The following XXYLT1 variants were observed in gnomAD, a reference collection of about 807,000 sequenced individuals.
The protein encoded by XXYLT1 is UDP-xylose:alpha-xyloside alpha-1,3-xylosyltransferase.
XXYLT1 carries 20 observed loss-of-function variants against 28.9 expected under a neutral mutation model. The observed-to-expected ratio is 0.69, with a 90% CI of 0.49 to 1.00. XXYLT1 has a LOEUF of 1.00. XXYLT1 is among the 50% of genes least tolerant of loss of function. The probability of loss-of-function intolerance (pLI) is 0.00; values close to 1 mark genes in which losing one functional copy is unlikely to be tolerated. For missense variants in XXYLT1, 542 were observed against 560.1 expected, an observed-to-expected ratio of 0.97 and a Z score of 0.33; for synonymous variants, 257 against 253.8, an observed-to-expected ratio of 1.01 and a Z score of -0.12.
At chr3:195,191,585 A>C (rs1722421449) in intron 2 of XXYLT1, among the ~76,000 whole-genome samples, 1 of 152,236 alleles carries the variant, frequency 6.6e-6, no homozygotes, top group South Asian at 2.1e-4. Flanking sequence ...CCCAATCCCC[A>C]TGTTGTTCAA....
chr3:195,208,313 C>T (rs1301443242), intron 2 of XXYLT1, among the ~76,000 whole-genome samples: 6 of 152,228 alleles, frequency 3.9e-5, no homozygotes, highest in East Asian at 1.9e-4. Context: ...TTCCCCTCCC[C>T]TCCTGTGCCT....
intron 1 of XXYLT1, among the ~76,000 whole-genome samples, chr3:195,266,024 A>T (rs1725838552): frequency 1.3e-5 from 2 of 152,198 alleles, no homozygotes; most frequent in Non-Finnish European, 2.9e-5. Flanking sequence ...TCTAAGTTTT[A>T]CAAGTGTGAG....
rs532776961 is a variant in XXYLT1 at position 195,141,037 on chromosome 3, C to T, written c.785+15412G>A. Reference sequence around the variant, plus strand: ...CTCTCCATCATAAGAGGATACAAGACGGCCATCTGCAAACCAGGAAGTAGG... The same window carrying T: ...CTCTCCATCATAAGAGGATACAAGATGGCCATCTGCAAACCAGGAAGTAGG... On this transcript the variant is annotated intron_variant, in intron 3 of 3. Coordinates refer to ENST00000310380, the MANE Select transcript of XXYLT1 (RefSeq NM_152531.5). 1.6e-4 allele frequency among the ~76,000 whole-genome samples: 24 copies of T among 152,304 alleles called. No homozygotes were observed. The East Asian group carries it at 3.5e-3, about 22-fold the overall frequency.
At chr3:195,252,294 T>A (rs1395737877) in intron 1 of XXYLT1, among the ~76,000 whole-genome samples, 1 of 152,120 alleles carries the variant, frequency 6.6e-6, no homozygotes, top group Non-Finnish European at 1.5e-5. Context: ...AGAAATAGAG[T>A]GAGCTTTAGC....
intron 2 of XXYLT1, chr3:195,207,602 C>A (rs552863631): frequency 2.6e-6 from 1 of 390,194 alleles, no homozygotes; most frequent in Non-Finnish European, 5.2e-6. Flanking sequence ...ACAGCTCTCT[C>A]TGTGCTGAGA....
chr3:195,147,349 C>A (rs1361095824), intron 3 of XXYLT1, among the ~76,000 whole-genome samples: 1 of 152,168 alleles, frequency 6.6e-6, no homozygotes, highest in Non-Finnish European at 1.5e-5. Context: ...GCAGGTGGAT[C>A]ACCTGAGGTC....
At chr3:195,131,559 T>C (rs1390394669) in intron 3 of XXYLT1, among the ~76,000 whole-genome samples, 1 of 152,214 alleles carries the variant, frequency 6.6e-6, no homozygotes, top group Admixed American at 6.5e-5. Flanking sequence ...ATTCCAGCTG[T>C]AGGACACTTT....
intron 3 of XXYLT1, among the ~76,000 whole-genome samples, chr3:195,137,709 C>A (rs918311433): frequency 4.6e-5 from 7 of 152,178 alleles, no homozygotes; most frequent in Non-Finnish European, 7.3e-5. Context: ...TTGTATCGGA[C>A]ACGGAGAAAG....
intron 1 of XXYLT1, among the ~76,000 whole-genome samples, chr3:195,229,146 C>T (rs1724194692): frequency 6.6e-6 from 1 of 152,146 alleles, no homozygotes; most frequent in African/African-American, 2.4e-5. Flanking sequence ...TCTTATATTT[C>T]TTTTTAACCT....
intron 3 of XXYLT1, among the ~76,000 whole-genome samples, chr3:195,071,959 G>A (rs185537395): frequency 0.013 from 2,053 of 152,194 alleles, 20 homozygotes; most frequent in Middle Eastern, 0.048. Flanking sequence ...ACCTGTGGCC[G>A]CCGAGGTCCT....
chr3:195,121,564 C>T (rs1718362668), intron 3 of XXYLT1, among the ~76,000 whole-genome samples: 1 of 152,180 alleles, frequency 6.6e-6, no homozygotes, highest in Non-Finnish European at 1.5e-5. Context: ...GCCCCTACGC[C>T]CCACTCTAAA....
intron 3 of XXYLT1, among the ~76,000 whole-genome samples, chr3:195,099,171 A>G (rs912874814): frequency 2.6e-5 from 4 of 152,156 alleles, no homozygotes; most frequent in Admixed American, 6.6e-5. Context: ...AAGAGGGTCT[A>G]TTTTCTCCTC....
chr3:195,183,419 T>C (rs1437548314), intron 2 of XXYLT1: 1 of 152,240 alleles, frequency 6.6e-6, no homozygotes, highest in Non-Finnish European at 1.5e-5. Flanking sequence ...GCCATGATTG[T>C]AAGTTTCCTA....
chr3:195,259,536 G>C, intron 1 of XXYLT1: 1 of 983,498 alleles, frequency 1.0e-6, no homozygotes, highest in Non-Finnish European at 1.2e-6. Flanking sequence ...GCAAGCAGGC[G>C]GCCGGGCTCC....
At chr3:195,194,137 AT>A (rs1249439144) in intron 2 of XXYLT1, among the ~76,000 whole-genome samples, 1 of 151,892 alleles carries the variant, frequency 6.6e-6, no homozygotes, top group Non-Finnish European at 1.5e-5. Context: ...TGGGAGAAAA[AT>A]ATTTGTAAAT....
At chr3:195,270,300 G>C in intron 1 of XXYLT1, 1 of 851,856 alleles carries the variant, frequency 1.2e-6, no homozygotes, top group South Asian at 2.2e-5. Context: ...TGGGGGCTGC[G>C]CTTAACTGGG....
At chr3:195,216,965 T>C (rs1228267132) in intron 2 of XXYLT1, among the ~76,000 whole-genome samples, 3 of 122,986 alleles carry the variant, frequency 2.4e-5, no homozygotes, top group African/African-American at 1.2e-4. Flanking sequence ...TTATCCACCA[T>C]GATCAAGTGG....
chr3:195,141,351 A>T (rs940657711), intron 3 of XXYLT1, among the ~76,000 whole-genome samples: 1 of 152,228 alleles, frequency 6.6e-6, no homozygotes, highest in Admixed American at 6.5e-5. Context: ...CTCTGAAACA[A>T]TTCCAAATAC....
intron 1 of XXYLT1, among the ~76,000 whole-genome samples, chr3:195,232,404 A>G (rs1197250832): frequency 2.0e-5 from 3 of 151,222 alleles, no homozygotes; most frequent in Non-Finnish European, 4.4e-5. Context: ...TCTAATTTTT[A>G]TTACTTCTTT....
Sources: gnomAD v4.1 joint callset for allele counts (sites outside exome capture counted in the v4.1 genomes callset) on GRCh38, gnomAD v4.1.1 for gene constraint, MANE v1.5 for transcripts, NCBI Gene and HGNC (gene_info 2026-07-23, HGNC 2026-07-21) for gene names.